TEC: variants seen among roughly 807,000 people sequenced by gnomAD.
TEC encodes the protein tyrosine-protein kinase Tec.
A neutral mutation model predicts 93.0 loss-of-function variants in TEC; 72 were observed. The ratio of observed to expected loss-of-function variants is 0.77; its 90% CI spans 0.64 to 0.94. TEC has a LOEUF of 0.94. Among genes scored for constraint, TEC ranks in the 40% least tolerant of loss-of-function variants. TEC has a pLI of 0.00. For synonymous variants in TEC, 249 were observed against 247.7 expected (o/e 1.01, Z -0.05); for missense variants, 630 against 757.9 (o/e 0.83, Z 1.98).
chr4:48,147,244 ATG>A (rs879585185), intron 11 of TEC, among the ~76,000 whole-genome samples: 1 of 152,226 alleles, frequency 6.6e-6, no homozygotes, highest in African/African-American at 2.4e-5. Flanking sequence ...GAGTTACCAT[ATG>A]ACGCAGCATA....
At chr4:48,212,863 G>A (rs1481465177) in intron 2 of TEC, among the ~76,000 whole-genome samples, 2 of 152,186 alleles carry the variant, frequency 1.3e-5, no homozygotes, top group Non-Finnish European at 2.9e-5. Flanking sequence ...TAATCAGATT[G>A]TAAGCTTAAT....
chr4:48,250,449 C>T (rs919304726), intron 1 of TEC, among the ~76,000 whole-genome samples: 2 of 152,180 alleles, frequency 1.3e-5, no homozygotes, highest in Non-Finnish European at 2.9e-5. Context: ...TGTTCTTTGG[C>T]AATGCCCTCC....
intron 1 of TEC, among the ~76,000 whole-genome samples, chr4:48,251,110 C>T (rs1724187367): frequency 6.6e-6 from 1 of 152,158 alleles, no homozygotes; most frequent in African/African-American, 2.4e-5. Context: ...CTAAAATCCT[C>T]CAACGCCTAC....
intron 2 of TEC, among the ~76,000 whole-genome samples, chr4:48,196,361 T>C (rs984041952): frequency 1.3e-5 from 2 of 152,206 alleles, no homozygotes; most frequent in Admixed American, 1.3e-4. Context: ...ACTCACTGTA[T>C]CTCCTTGAAC....
chr4:48,262,983 T>C (rs1269402513), intron 1 of TEC, among the ~76,000 whole-genome samples: 1 of 152,218 alleles, frequency 6.6e-6, no homozygotes, highest in Non-Finnish European at 1.5e-5. Context: ...AAACTGACTC[T>C]TGTCATCATG....
In TEC at chr4:48,176,153, T is replaced by C; in HGVS notation, c.172A>G (p.Lys58Glu). Reference protein sequence around the residue: ...KYRKGFIDVSKIKCVEIVKND... With the variant: ...KYRKGFIDVSEIKCVEIVKND... ...TTCACTATTTCCACACACTTGATTT[T>C]TGAAACATCAATAAACCCCTTTCTG... is the stretch of plus-strand genomic sequence containing the variant. Residue 58 changes from lysine (K) to glutamate (E), a missense_variant, in exon 3 of 18, where the codon AAA (lysine) becomes GAA (glutamate). Physicochemically the swap from Lys to Glu is moderately conservative, Grantham distance 56 (BLOSUM62 1). Around this residue, in one of 3 missense-constraint regions of TEC, gnomAD observed 335 missense variants for 351.5 expected, o/e 0.95. Coordinates refer to ENST00000381501, the MANE Select transcript of TEC (RefSeq NM_003215.3). The C allele has an allele frequency of 1.1e-5, 17 of 1,613,698 alleles. No homozygotes were observed. The highest frequency in any genetic ancestry group is 1.4e-5 in the Non-Finnish European group (17 of 1,179,774).
intron 8 of TEC, 113 bp from the exon 9 acceptor site, chr4:48,156,847 C>A (rs901805342): frequency 5.2e-6 from 4 of 765,200 alleles, no homozygotes; most frequent in African/African-American, 3.7e-5. Context: ...CAAATAAGAA[C>A]AAGATATCAC....
intron 1 of TEC, among the ~76,000 whole-genome samples, chr4:48,245,889 T>A (rs1724039570): frequency 6.6e-6 from 1 of 152,094 alleles, no homozygotes; most frequent in Non-Finnish European, 1.5e-5. Context: ...GGAGGGTAGA[T>A]CACTTGAGAT....
intron 1 of TEC, among the ~76,000 whole-genome samples, chr4:48,231,335 T>C (rs1357884808): frequency 6.6e-6 from 1 of 152,258 alleles, no homozygotes; most frequent in Non-Finnish European, 1.5e-5. Context: ...TGGTCTTCCT[T>C]ATTCCATATT....
At chr4:48,221,216 G>C (rs965978980) in intron 2 of TEC, among the ~76,000 whole-genome samples, 4 of 152,206 alleles carry the variant, frequency 2.6e-5, no homozygotes, top group African/African-American at 9.7e-5. Flanking sequence ...TGGTTTGGCT[G>C]TGTCTGCACC....
chr4:48,167,088 C>A (rs1720899534), intron 7 of TEC, among the ~76,000 whole-genome samples: 1 of 151,978 alleles, frequency 6.6e-6, no homozygotes, highest in African/African-American at 2.4e-5. Flanking sequence ...GCTTATGAAG[C>A]CTGCAAGATA....
intron 2 of TEC, among the ~76,000 whole-genome samples, chr4:48,188,617 T>C (rs1721978875): frequency 6.6e-6 from 1 of 152,170 alleles, no homozygotes; most frequent in South Asian, 2.1e-4. Flanking sequence ...TATGTATGTA[T>C]GTATGCTATA....
chr4:48,213,874 G>GA (rs564383696), intron 2 of TEC, among the ~76,000 whole-genome samples: 1 of 151,886 alleles, frequency 6.6e-6, no homozygotes, highest in Non-Finnish European at 1.5e-5. Flanking sequence ...CTCTGTCCCT[G>GA]AAAAAAAATT....
At chr4:48,262,083 C>G (rs1724509340) in intron 1 of TEC, among the ~76,000 whole-genome samples, 1 of 151,658 alleles carries the variant, frequency 6.6e-6, no homozygotes, top group African/African-American at 2.4e-5. Context: ...CTTGAGAAAA[C>G]TTAAATTGAA....
chr4:48,263,644 C>G (rs1321829823), intron 1 of TEC, among the ~76,000 whole-genome samples: 1 of 151,930 alleles, frequency 6.6e-6, no homozygotes, highest in Non-Finnish European at 1.5e-5. Context: ...AACCCAGGAG[C>G]TGAGATCATG....
intron 1 of TEC, among the ~76,000 whole-genome samples, chr4:48,244,203 C>T (rs559872150): frequency 1.3e-5 from 2 of 152,330 alleles, no homozygotes; most frequent in African/African-American, 4.8e-5. Context: ...CACATATACA[C>T]GTTTCTACTA....
chr4:48,186,979 G>T (rs1231782319), intron 2 of TEC, among the ~76,000 whole-genome samples: 1 of 152,262 alleles, frequency 6.6e-6, no homozygotes, highest in African/African-American at 2.4e-5. Context: ...TGGCGTTTTT[G>T]TCGAATAGAA....
At chr4:48,153,978 G>A (rs1433489357) in intron 9 of TEC, among the ~76,000 whole-genome samples, 1 of 152,154 alleles carries the variant, frequency 6.6e-6, no homozygotes, top group East Asian at 1.9e-4. Context: ...TTAAGAATGA[G>A]GTAAACCATC....
intron 15 of TEC, 59 bp downstream of exon 15, chr4:48,141,296 T>G (rs1332683805): frequency 2.1e-6 from 3 of 1,455,506 alleles, no homozygotes; most frequent in Non-Finnish European, 2.9e-6. Context: ...ATTCCCACAC[T>G]TATTAATTCC....
Sources: gnomAD v4.1 joint callset for allele counts (sites outside exome capture counted in the v4.1 genomes callset) on GRCh38, gnomAD v4.1.1 for gene constraint, gnomAD v4.1.1 regional missense constraint, MANE v1.5 for transcripts, NCBI Gene and HGNC (gene_info 2026-07-23, HGNC 2026-07-21) for gene names.